The following FAM227B variants were observed in gnomAD, a reference collection of about 807,000 sequenced individuals.
FAM227B encodes protein FAM227B.
FAM227B carries 88 observed loss-of-function variants against 73.8 expected under a neutral mutation model. The observed-to-expected ratio is 1.19, with a 90% CI of 1.00 to 1.42. The LOEUF (loss-of-function observed/expected upper bound fraction) is 1.42, where lower values mean the gene tolerates loss of function less well. Among genes scored for constraint, FAM227B ranks in the 40% most tolerant of loss-of-function variants. The pLI is 0.00. For missense variants in FAM227B, 632 were observed against 590.9 expected, an observed-to-expected ratio of 1.07 and a Z score of -0.72; for synonymous variants, 210 against 190.5, an observed-to-expected ratio of 1.10 and a Z score of -0.84.
intron 14 of FAM227B, 37 bp from the exon 15 acceptor site, chr15:49,331,886 A>C (rs774040141): frequency 8.1e-7 from 1 of 1,231,212 alleles, no homozygotes; most frequent in East Asian, 2.3e-5. Flanking sequence ...AACCAAACTA[A>C]TTGTCCTTAT....
chr15:49,381,559 C>T, intron 11 of FAM227B, among the ~76,000 whole-genome samples: 1 of 152,140 alleles, frequency 6.6e-6, no homozygotes, highest in Non-Finnish European at 1.5e-5. Context: ...AATATTAACT[C>T]TTTACTTGCT....
chr15:49,519,575 T>C (rs1194451906), intron 10 of FAM227B, among the ~76,000 whole-genome samples: 1 of 152,194 alleles, frequency 6.6e-6, no homozygotes, highest in African/African-American at 2.4e-5. Context: ...CCACCGAGGC[T>C]TGCACCCTCT....
intron 8 of FAM227B, 27 bp from the exon 9 acceptor site, chr15:49,568,373 C>A: frequency 1.3e-6 from 2 of 1,534,880 alleles, no homozygotes; most frequent in South Asian, 2.3e-5. Flanking sequence ...AAATTAAAGT[C>A]AATATTACAA....
Position 49,468,836 on chromosome 15 carries a change from G to A in FAM227B, c.1012+39375C>T, listed in dbSNP as rs191256221. ...CACTGACAAAAGAGGTTTGTCTTCC[G>A]TGTTAAGCAGTCACTCTGCTTAACT... On this transcript the variant is annotated intron_variant, in intron 11 of 15. Coordinates refer to ENST00000299338, the MANE Select transcript of FAM227B (RefSeq NM_152647.3). 2.9e-3 allele frequency among the ~76,000 whole-genome samples: 435 copies of A among 152,196 alleles called. 8 individuals are homozygous for A. Among genetic ancestry groups the A allele is most frequent in the South Asian group, 0.027 (128 of 4,822 alleles).
At chr15:49,537,945 A>T (rs2070503838) in intron 10 of FAM227B, among the ~76,000 whole-genome samples, 1 of 152,174 alleles carries the variant, frequency 6.6e-6, no homozygotes. Context: ...TGGGATGATA[A>T]AGGTTAGAGG....
At chr15:49,462,207 TG>T (rs1432202090) in intron 11 of FAM227B, among the ~76,000 whole-genome samples, 1 of 152,060 alleles carries the variant, frequency 6.6e-6, no homozygotes, top group Non-Finnish European at 1.5e-5. Flanking sequence ...GGATCTGGGA[TG>T]AAAAAAAGAT....
chr15:49,436,440 T>C (rs559469270), intron 11 of FAM227B, among the ~76,000 whole-genome samples: 1 of 151,576 alleles, frequency 6.6e-6, no homozygotes, highest in Non-Finnish European at 1.5e-5. Context: ...ACTAAAAGAC[T>C]GTGTAGAGGA....
chr15:49,513,970 C>G (rs2059203329), intron 10 of FAM227B, among the ~76,000 whole-genome samples: 1 of 152,062 alleles, frequency 6.6e-6, no homozygotes. Context: ...TGTTTTGGTA[C>G]CAGTACTTTG....
At chr15:49,344,411 A>G (rs1006568350) in intron 13 of FAM227B, among the ~76,000 whole-genome samples, 4 of 152,220 alleles carry the variant, frequency 2.6e-5, no homozygotes, top group Non-Finnish European at 5.9e-5. Flanking sequence ...CTGAATGTAC[A>G]TACCTAAGGT....
intron 13 of FAM227B, among the ~76,000 whole-genome samples, chr15:49,355,153 A>G (rs548711926): frequency 1.3e-5 from 2 of 152,042 alleles, no homozygotes; most frequent in Non-Finnish European, 2.9e-5. Context: ...AACAGAACAG[A>G]AAAACTGGAA....
chr15:49,506,651 A>G (rs1162199937), intron 11 of FAM227B, among the ~76,000 whole-genome samples: 1 of 151,972 alleles, frequency 6.6e-6, no homozygotes, highest in Admixed American at 6.6e-5. Context: ...GATATCTAGA[A>G]AGGTCCCAAA....
chr15:49,417,483 C>T (rs557281224), intron 11 of FAM227B, among the ~76,000 whole-genome samples: 1 of 152,166 alleles, frequency 6.6e-6, no homozygotes, highest in South Asian at 2.1e-4. Context: ...GACACATAGA[C>T]CAATGGAACA....
At chr15:49,588,119 T>A (rs756683541) in intron 4 of FAM227B, 36 bp from the exon 5 acceptor site, 1 of 1,219,056 alleles carries the variant, frequency 8.2e-7, no homozygotes, top group South Asian at 2.1e-5. Context: ...ATATATATTA[T>A]ACATATGAAC....
intron 11 of FAM227B, among the ~76,000 whole-genome samples, chr15:49,413,424 G>A (rs1479312457): frequency 2.0e-5 from 3 of 152,038 alleles, no homozygotes; most frequent in Admixed American, 6.6e-5. Flanking sequence ...TCGATTAAAC[G>A]TCTTTCTTTT....
intron 9 of FAM227B, among the ~76,000 whole-genome samples, chr15:49,551,287 G>A (rs1373308583): frequency 6.6e-6 from 1 of 151,970 alleles, no homozygotes; most frequent in East Asian, 1.9e-4. Flanking sequence ...GGGAGAGGGA[G>A]AGGACGCATA....
intron 10 of FAM227B, among the ~76,000 whole-genome samples, chr15:49,523,994 A>C (rs1027155174): frequency 6.7e-5 from 10 of 150,202 alleles, no homozygotes; most frequent in African/African-American, 2.2e-4. Flanking sequence ...AAAAGCATTC[A>C]GTTTTAAAGG....
At chr15:49,559,292 C>A (rs190693059) in intron 9 of FAM227B, among the ~76,000 whole-genome samples, 1 of 152,286 alleles carries the variant, frequency 6.6e-6, no homozygotes, top group African/African-American at 2.4e-5. Context: ...CCTGTGCTTG[C>A]CATTTGGGCA....
chr15:49,394,644 G>A (rs879441395), intron 11 of FAM227B, among the ~76,000 whole-genome samples: 2 of 152,158 alleles, frequency 1.3e-5, no homozygotes, highest in Non-Finnish European at 2.9e-5. Context: ...TTAGGTTTGC[G>A]GCTTTTTCAG....
intron 13 of FAM227B, among the ~76,000 whole-genome samples, chr15:49,354,597 C>A (rs1019571227): frequency 2.0e-5 from 3 of 152,202 alleles, no homozygotes; most frequent in African/African-American, 7.2e-5. Flanking sequence ...AAGGGTCCTA[C>A]GCCCACGGAG....
Sources: gnomAD v4.1 joint callset for allele counts (sites outside exome capture counted in the v4.1 genomes callset) on GRCh38, gnomAD v4.1.1 for gene constraint, MANE v1.5 for transcripts, NCBI Gene and HGNC (gene_info 2026-07-23, HGNC 2026-07-21) for gene names.